The following EXT2 variants were observed in gnomAD, a reference collection of about 807,000 sequenced individuals.
EXT2 encodes the protein exostosin-2.
A neutral mutation model predicts 81.6 loss-of-function variants in EXT2; 53 were observed. The observed-to-expected ratio is 0.65, with a 90% confidence interval of 0.52 to 0.82. The LOEUF (loss-of-function observed/expected upper bound fraction) is 0.82, where lower values mean the gene tolerates loss of function less well. Ranked by LOEUF, EXT2 falls within the 40% of genes least tolerant of loss-of-function variation. The pLI is 0.00. For synonymous variants in EXT2, 320 were observed against 340.0 expected, an observed-to-expected ratio of 0.94 and a Z score of 0.65; for missense variants, 774 against 910.2, an observed-to-expected ratio of 0.85 and a Z score of 1.93.
intron 10 of EXT2, among the ~76,000 whole-genome samples, chr11:44,230,886 G>T (rs959367824): frequency 1.3e-5 from 2 of 152,162 alleles, no homozygotes; most frequent in African/African-American, 4.8e-5. Context: ...CTAGGGAATG[G>T]CATGAAGTGT....
chr11:44,115,634 G>A (rs935701079), intron 4 of EXT2, among the ~76,000 whole-genome samples: 2 of 152,202 alleles, frequency 1.3e-5, no homozygotes, highest in African/African-American at 2.4e-5. Flanking sequence ...TATTTGGTTT[G>A]AGAAATGGGT....
At chr11:44,214,157 A>AGGCTGTAGT (rs1278811308) in intron 10 of EXT2, among the ~76,000 whole-genome samples, 1 of 151,782 alleles carries the variant, frequency 6.6e-6, no homozygotes, top group Non-Finnish European at 1.5e-5. Flanking sequence ...TCTGTCGCCC[A>AGGCTGTAGT]GGCTGTAGTG....
intron 10 of EXT2, among the ~76,000 whole-genome samples, chr11:44,212,148 G>A (rs781106509): frequency 4.6e-5 from 7 of 151,850 alleles, no homozygotes; most frequent in Non-Finnish European, 1.0e-4. Flanking sequence ...AGCCGGGTAT[G>A]GTGATATGAG....
chr11:44,174,445 T>C (rs932488786), intron 8 of EXT2, among the ~76,000 whole-genome samples: 2 of 151,672 alleles, frequency 1.3e-5, no homozygotes, highest in South Asian at 4.1e-4. Flanking sequence ...CATATATATA[T>C]TCCTTTACAA....
intron 1 of EXT2, among the ~76,000 whole-genome samples, chr11:44,102,922 C>A (rs1248256238): frequency 6.6e-6 from 1 of 151,756 alleles, no homozygotes; most frequent in Non-Finnish European, 1.5e-5. Context: ...CTTATTGCTT[C>A]GTACAGTTTA....
intron 3 of EXT2, among the ~76,000 whole-genome samples, chr11:44,112,391 GT>G (rs2134979528): frequency 6.6e-6 from 1 of 152,272 alleles, no homozygotes; most frequent in South Asian, 2.1e-4. Flanking sequence ...TTAGCTGCAG[GT>G]TTTCTTTTCA....
At chr11:44,142,275 T>G (rs572398350) in intron 7 of EXT2, among the ~76,000 whole-genome samples, 2 of 152,372 alleles carry the variant, frequency 1.3e-5, no homozygotes, top group Non-Finnish European at 2.9e-5. Flanking sequence ...AGTTTTATAA[T>G]AGCACAATTC....
intron 7 of EXT2, chr11:44,144,162 T>G (rs1954683654): frequency 1.5e-5 from 18 of 1,163,218 alleles, no homozygotes; most frequent in Non-Finnish European, 2.2e-5. Context: ...GCAGATTCCT[T>G]TATAGCTAGT....
At chr11:44,157,866 A>G (rs1565215515) in intron 7 of EXT2, among the ~76,000 whole-genome samples, 1 of 152,208 alleles carries the variant, frequency 6.6e-6, no homozygotes, top group Non-Finnish European at 1.5e-5. Context: ...AGTCTTACCC[A>G]GGGCCCACAG....
chr11:44,118,442 A>G (rs1954253959), intron 4 of EXT2, among the ~76,000 whole-genome samples: 1 of 152,208 alleles, frequency 6.6e-6, no homozygotes, highest in East Asian at 1.9e-4. Flanking sequence ...AAAAAATTTT[A>G]CACTGAACAT....
chr11:44,172,750 A>AT (rs1002097606), intron 8 of EXT2, among the ~76,000 whole-genome samples: 11 of 151,852 alleles, frequency 7.2e-5, no homozygotes, highest in African/African-American at 2.4e-4. Flanking sequence ...AGCCCAGCTA[A>AT]TTTTTTTATT....
intron 5 of EXT2, among the ~76,000 whole-genome samples, chr11:44,125,511 G>A (rs564336184): frequency 1.3e-5 from 2 of 152,222 alleles, no homozygotes; most frequent in African/African-American, 2.4e-5. Flanking sequence ...GGGAATGGCT[G>A]TACTTCCATA....
At chr11:44,167,515 G>A (rs1955011021) in intron 7 of EXT2, among the ~76,000 whole-genome samples, 1 of 152,130 alleles carries the variant, frequency 6.6e-6, no homozygotes, top group Admixed American at 6.5e-5. Context: ...CTGACATAGG[G>A]CTCTGACAGG....
chr11:44,224,188 A>G (rs573399393), intron 10 of EXT2, among the ~76,000 whole-genome samples: 1 of 152,332 alleles, frequency 6.6e-6, no homozygotes, highest in African/African-American at 2.4e-5. Context: ...GGAGCTTAGT[A>G]TCTGTGAGTC....
intron 8 of EXT2, among the ~76,000 whole-genome samples, chr11:44,192,054 T>C (rs1955398306): frequency 6.6e-6 from 1 of 152,240 alleles, no homozygotes; most frequent in Non-Finnish European, 1.5e-5. Flanking sequence ...TTTAAGGCTT[T>C]TCACAATAGA....
At chr11:44,154,526 A>G (rs2135090957) in intron 7 of EXT2, among the ~76,000 whole-genome samples, 1 of 152,176 alleles carries the variant, frequency 6.6e-6, no homozygotes, top group South Asian at 2.1e-4. Context: ...CATTTTCTTT[A>G]TTCATTCATT....
intron 10 of EXT2, among the ~76,000 whole-genome samples, chr11:44,208,873 GACATTTGCC>G (rs1955614688): frequency 6.6e-6 from 1 of 152,198 alleles, no homozygotes. Context: ...TACTGTGAGT[GACATTTGCC>G]AGAGATCAGT....
At chr11:44,144,436 C>T in intron 7 of EXT2, 3 of 1,051,014 alleles carry the variant, frequency 2.9e-6, no homozygotes, top group Non-Finnish European at 4.2e-6. Flanking sequence ...GTCAGTGGCT[C>T]CTGCTTTAGT....
At chr11:44,114,989 T>C (rs1954200672) in intron 4 of EXT2, among the ~76,000 whole-genome samples, 3 of 152,142 alleles carry the variant, frequency 2.0e-5, no homozygotes, top group Non-Finnish European at 4.4e-5. Flanking sequence ...ATCCTGCTTG[T>C]GCCTTAGGTT....
Sources: gnomAD v4.1 joint callset for allele counts (sites outside exome capture counted in the v4.1 genomes callset) on GRCh38, gnomAD v4.1.1 for gene constraint, MANE v1.5 for transcripts, NCBI Gene and HGNC (gene_info 2026-07-23, HGNC 2026-07-21) for gene names.